Variants in PTPRN2 observed in about 807,000 individuals in gnomAD.
PTPRN2 encodes protein tyrosine phosphatase receptor type N2, also known as receptor-type tyrosine-protein phosphatase N2.
PTPRN2 carries 74 observed loss-of-function variants against 118.8 expected under a neutral mutation model. The ratio of observed to expected loss-of-function variants is 0.62; its 90% CI spans 0.52 to 0.76. The LOEUF (loss-of-function observed/expected upper bound fraction) is 0.76. Among genes scored for constraint, PTPRN2 ranks in the 30% least tolerant of loss-of-function variants. PTPRN2 has a pLI of 0.00. For missense variants in PTPRN2, 1,481 were observed against 1,394.4 expected (o/e 1.06, Z -0.99); for synonymous variants, 641 against 608.0 (o/e 1.05, Z -0.80).
intron 3 of PTPRN2, among the ~76,000 whole-genome samples, chr7:158,234,392 C>A (rs1829382057): frequency 6.6e-6 from 1 of 151,196 alleles, no homozygotes. Flanking sequence ...AAATGGCAAA[C>A]AGATATAGTC....
At chr7:158,241,091 G>C (rs1223181958) in intron 3 of PTPRN2, among the ~76,000 whole-genome samples, 1 of 152,218 alleles carries the variant, frequency 6.6e-6, no homozygotes, top group Non-Finnish European at 1.5e-5. Context: ...CCAGCTTCAT[G>C]GTGGAAGCAT....
At chr7:157,815,760 A>G (rs1271150340) in intron 12 of PTPRN2, among the ~76,000 whole-genome samples, 1 of 152,172 alleles carries the variant, frequency 6.6e-6, no homozygotes, top group Non-Finnish European at 1.5e-5. Flanking sequence ...ACAGCCTGCC[A>G]TGAGCTGGGG....
At position 158,205,195 on chromosome 7, in the gene PTPRN2, C is replaced by T. The variant is rs151186740; in HGVS notation, c.356G>A (p.Arg119His). Residue 119 changes from arginine to histidine, a missense_variant, in exon 4 of 23, where the codon CGT (arginine) becomes CAT (histidine). Physicochemically the swap from Arg to His is conservative, Grantham distance 29. Coordinates refer to ENST00000389418, the MANE Select transcript of PTPRN2 (RefSeq NM_002847.5). Reference sequence around the variant, plus strand: ...CCTGGCTGGGCTGGATGCTTCAGGACGCCTCAGGTAGGTTTTCGGGAGGTC... The same window carrying T: ...CCTGGCTGGGCTGGATGCTTCAGGATGCCTCAGGTAGGTTTTCGGGAGGTC... ...LADLPKTYLR[R>H]PEASSPARPS... 7.2e-5 allele frequency: 116 copies of T among 1,614,084 alleles called. No individual in the cohort carries two copies. In the African/African-American group the frequency reaches 1.2e-3, roughly 16 times the overall value.
At chr7:158,010,466 T>C (rs1805962689) in intron 11 of PTPRN2, among the ~76,000 whole-genome samples, 1 of 152,214 alleles carries the variant, frequency 6.6e-6, no homozygotes, top group Admixed American at 6.5e-5. Context: ...ATGGATTTAC[T>C]CAAAACCTCA....
intron 20 of PTPRN2, among the ~76,000 whole-genome samples, chr7:157,571,202 TAA>T (rs56184271): frequency 2.3e-5 from 3 of 129,524 alleles, no homozygotes; most frequent in African/African-American, 3.0e-5. Context: ...GCAACAGAGT[TAA>T]AAAAAAAAAA....
At chr7:157,961,581 A>G (rs1182895902) in intron 11 of PTPRN2, among the ~76,000 whole-genome samples, 1 of 152,184 alleles carries the variant, frequency 6.6e-6, no homozygotes, top group Non-Finnish European at 1.5e-5. Flanking sequence ...AACAATTTTA[A>G]AAAGAGGGCA....
intron 2 of PTPRN2, among the ~76,000 whole-genome samples, chr7:158,329,693 C>T (rs1261090398): frequency 6.6e-6 from 1 of 152,202 alleles, no homozygotes; most frequent in Non-Finnish European, 1.5e-5. Context: ...GACTAAGACA[C>T]TGCGTATTAT....
At chr7:158,324,796 T>G (rs546058302) in intron 2 of PTPRN2, among the ~76,000 whole-genome samples, 1 of 151,992 alleles carries the variant, frequency 6.6e-6, no homozygotes, top group Non-Finnish European at 1.5e-5. Context: ...AACCATCCAA[T>G]TGGAGCACCG....
intron 1 of PTPRN2, among the ~76,000 whole-genome samples, chr7:158,586,655 G>A (rs1828939783): frequency 6.6e-6 from 1 of 152,222 alleles, no homozygotes; most frequent in Non-Finnish European, 1.5e-5. Context: ...TGGGAAAGCA[G>A]CGGCTTCCAC....
intron 11 of PTPRN2, among the ~76,000 whole-genome samples, chr7:158,035,878 T>C (rs756115482): frequency 1.3e-5 from 2 of 152,074 alleles, no homozygotes; most frequent in African/African-American, 2.4e-5. Flanking sequence ...TAATAAAAAA[T>C]TATAAACCAC....
chr7:158,064,714 G>T (rs779136055), intron 11 of PTPRN2, among the ~76,000 whole-genome samples: 1 of 152,082 alleles, frequency 6.6e-6, no homozygotes, highest in Admixed American at 6.6e-5. Context: ...GCTGACTGGT[G>T]GGGGGGACAT....
chr7:158,465,175 C>G (rs1586737614), intron 2 of PTPRN2, among the ~76,000 whole-genome samples: 1 of 152,204 alleles, frequency 6.6e-6, no homozygotes, highest in Non-Finnish European at 1.5e-5. Context: ...ACTAAGAGTG[C>G]CCATCTTGCA....
chr7:158,008,470 C>T (rs542483906), intron 11 of PTPRN2, among the ~76,000 whole-genome samples: 35 of 152,354 alleles, frequency 2.3e-4, no homozygotes, highest in Non-Finnish European at 4.6e-4. Context: ...CTGTCCCGCG[C>T]GCGTGGTGGC....
At chr7:157,800,246 C>T (rs2151094110) in intron 12 of PTPRN2, among the ~76,000 whole-genome samples, 1 of 152,354 alleles carries the variant, frequency 6.6e-6, no homozygotes, top group South Asian at 2.1e-4. Context: ...GGGGTCTTTC[C>T]AGGCTGGGCT....
chr7:158,053,516 T>G (rs904208465), intron 11 of PTPRN2, among the ~76,000 whole-genome samples: 1 of 152,198 alleles, frequency 6.6e-6, no homozygotes, highest in Non-Finnish European at 1.5e-5. Context: ...TATGGGAAAT[T>G]CTGAAGAGGA....
At chr7:157,722,851 C>T (rs373395734) in intron 12 of PTPRN2, among the ~76,000 whole-genome samples, 4 of 152,000 alleles carry the variant, frequency 2.6e-5, no homozygotes, top group East Asian at 1.9e-4. Context: ...CCCACGGGTT[C>T]GATGTGGGGC....
intron 12 of PTPRN2, among the ~76,000 whole-genome samples, chr7:157,781,406 C>G (rs1803673032): frequency 6.6e-6 from 1 of 152,066 alleles, no homozygotes; most frequent in South Asian, 2.1e-4. Flanking sequence ...AACATGCGTG[C>G]CCTTCTTCTG....
In PTPRN2 at chr7:158,113,692, C is replaced by T. The variant is rs575762813; in HGVS notation, c.1557-2777G>A. Among the ~76,000 whole-genome samples, 3 of 152,286 alleles carry T rather than the reference C, an allele frequency of 2.0e-5. No homozygotes were observed. In the East Asian group the frequency reaches 5.8e-4, roughly 29 times the overall value. On this transcript the variant is annotated intron_variant, in intron 9 of 22. Coordinates refer to ENST00000389418, the MANE Select transcript of PTPRN2 (RefSeq NM_002847.5). ...GGGTAGTTCTTGGGGGTTATGAATC[C>T]TTCCTGGGGACAGAGAGACGCATTG...
chr7:158,519,470 C>T (rs1823823869), intron 1 of PTPRN2, among the ~76,000 whole-genome samples: 1 of 152,124 alleles, frequency 6.6e-6, no homozygotes, highest in African/African-American at 2.4e-5. Context: ...GCAGGTGGCT[C>T]TCAGGGCATG....
Sources: gnomAD v4.1 joint callset for allele counts (sites outside exome capture counted in the v4.1 genomes callset) on GRCh38, gnomAD v4.1.1 for gene constraint, MANE v1.5 for transcripts, NCBI Gene and HGNC (gene_info 2026-07-23, HGNC 2026-07-21) for gene names.